The following CNDP2 variants were observed in gnomAD, a reference collection of about 807,000 sequenced individuals.
CNDP2 encodes the protein carnosine dipeptidase 2.
In CNDP2, 38 loss-of-function variants were observed where a neutral mutation model predicts 55.0. That is an observed-to-expected ratio of 0.69 (90% confidence interval 0.53 to 0.90). The LOEUF is 0.90. CNDP2 is among the 40% of genes least tolerant of loss of function. The pLI is 0.00. For missense variants in CNDP2, 607 were observed against 621.7 expected (o/e 0.98, Z 0.25); for synonymous variants, 241 against 260.2 (o/e 0.93, Z 0.71).
chr18:74,504,063 A>G (rs571512399), intron 3 of CNDP2, among the ~76,000 whole-genome samples: 110 of 137,640 alleles, frequency 8.0e-4, no homozygotes, highest in African/African-American at 2.8e-3. Context: ...CAGGCCATAC[A>G]CTGCACACGC....
In CNDP2 at chr18:74,518,079, G is replaced by A. The variant is rs369914915; in HGVS notation, c.1069-420G>A. Reference sequence around the variant, plus strand: ...CACGAGGTCAGGAGATCCAGACCACGGTGAAACCCCGTCTCTACTGAAAAG... The same window carrying A: ...CACGAGGTCAGGAGATCCAGACCACAGTGAAACCCCGTCTCTACTGAAAAG... On this transcript the variant is annotated intron_variant, in intron 9 of 11. Coordinates refer to ENST00000324262, the MANE Select transcript of CNDP2 (RefSeq NM_018235.3). The A allele has an allele frequency of 2.7e-4, 41 of 154,694 alleles. No individual in the cohort carries two copies. In the South Asian group the frequency reaches 4.7e-3, roughly 18 times the overall value. The allele number at this position is 154,694 out of a possible 1,614,324, so 9.6% of individuals were successfully genotyped here. A position where few individuals can be genotyped will look rare whatever the true frequency, so the allele number is the denominator to read the frequency against.
At chr18:74,498,633 A>C (rs1414659409) in intron 1 of CNDP2, among the ~76,000 whole-genome samples, 1 of 152,190 alleles carries the variant, frequency 6.6e-6, no homozygotes, top group African/African-American at 2.4e-5. Context: ...GATTTCCTTT[A>C]ATGTGAACAG....
rs570803704 is a variant in CNDP2, at chr18:74,520,396, C to G, written c.*328C>G. On this transcript the variant is annotated 3_prime_UTR_variant, in exon 12 of 12. Coordinates refer to ENST00000324262, the MANE Select transcript of CNDP2 (RefSeq NM_018235.3). ...GTCGGCCGGGCACCACGGCTCACAC[C>G]TATAATCGAGCACTTTGGGAGGCCA... The G allele has an allele frequency of 3.4e-5, 10 of 292,086 alleles. No individual in the cohort carries two copies. The South Asian group carries it at 3.8e-4, about 11-fold the overall frequency. The allele number at this position is 292,086 out of a possible 1,614,324, so 18.1% of individuals were successfully genotyped here.
In CNDP2 at chr18:74,520,062, G is replaced by T. The variant is rs116609423; in HGVS notation, c.1422G>T (p.Lys474Asn). Reference sequence around the variant, plus strand: ...ACCTGTATGAGGTCTCCCAGCTGAAGGACTAGGCCAAGCCCTCTGTGTGCC... The same window carrying T: ...ACCTGTATGAGGTCTCCCAGCTGAATGACTAGGCCAAGCCCTCTGTGTGCC... ...AAYLYEVSQL[K>N]D The change falls in exon 12 of 12, where the codon AAG (lysine) becomes AAT (asparagine). Residue 474 changes from lysine (K) to asparagine (N), a missense_variant. Physicochemically the swap from Lys to Asn is moderately conservative, Grantham distance 94. Transcript: ENST00000324262. The T allele has an allele frequency of 2.5e-6, 4 of 1,614,162 alleles. No homozygotes were observed. In the South Asian group the frequency reaches 3.3e-5, roughly 13 times the overall value.
At position 74,518,616 on chromosome 18, in the gene CNDP2, G is replaced by C. The variant is rs751355235; in HGVS notation, c.1186G>C (p.Ala396Pro). The C allele has an allele frequency of 6.2e-6, 10 of 1,614,214 alleles. No individual in the cohort carries two copies. The highest frequency in any genetic ancestry group is 8.5e-6 in the Non-Finnish European group (10 of 1,180,042). The change falls in exon 10 of 12, where the codon GCT becomes CCT. Residue 396 changes from alanine (A) to proline (P), a missense_variant. By Grantham distance (27) the Ala-to-Pro change is conservative (BLOSUM62 -1). Transcript: ENST00000324262. ...VSDFSHPHYL[A>P]GRRAMKTVFG... ...CGACTTCAGTCACCCTCATTACCTG[G>C]CTGGGAGAAGAGCCATGAAGACAGG...
intron 4 of CNDP2, 48 bp downstream of exon 4, chr18:74,506,059 T>C: frequency 1.3e-6 from 2 of 1,496,714 alleles, no homozygotes; most frequent in Non-Finnish European, 1.8e-6. Flanking sequence ...CACTGACTTT[T>C]GGAAAGTCAT....
In CNDP2 at chr18:74,518,616, G is replaced by T. The variant is rs751355235; in HGVS notation, c.1186G>T (p.Ala396Ser). 2 of 1,614,096 alleles carry T rather than the reference G, an allele frequency of 1.2e-6. No homozygotes were observed. The highest frequency in any genetic ancestry group is 2.7e-5 in the African/African-American group (2 of 74,936). The change falls in exon 10 of 12, where the codon GCT becomes TCT. Residue 396 changes from alanine to serine, a missense_variant. Physicochemically the swap from Ala to Ser is moderately conservative, Grantham distance 99. Transcript: ENST00000324262. ...VSDFSHPHYLAGRRAMKTVFG... is the reference protein window; with the variant it reads ...VSDFSHPHYLSGRRAMKTVFG... Reference sequence around the variant, plus strand: ...CGACTTCAGTCACCCTCATTACCTGGCTGGGAGAAGAGCCATGAAGACAGG... The same window carrying T: ...CGACTTCAGTCACCCTCATTACCTGTCTGGGAGAAGAGCCATGAAGACAGG...
intron 11 of CNDP2, 117 bp from the exon 12 acceptor site, chr18:74,519,882 A>T: frequency 2.3e-6 from 2 of 857,628 alleles, no homozygotes; most frequent in South Asian, 3.3e-5. Flanking sequence ...CCAAGCTGGG[A>T]TGGGGGATGC....
At chr18:74,511,168 C>T (rs989110828) in intron 6 of CNDP2, 155 bp downstream of exon 6, 1 of 632,112 alleles carries the variant, frequency 1.6e-6, no homozygotes, top group Non-Finnish European at 2.7e-6. Context: ...CATAAACCAC[C>T]GTCCTACACC....
rs760065321 is a variant in CNDP2 at position 74,518,603 on chromosome 18, C to A, written c.1173C>A (p.His391Gln). The change falls in exon 10 of 12, where the codon CAC becomes CAA. Residue 391 changes from histidine (H) to glutamine (Q), a missense_variant. By Grantham distance (24) the His-to-Gln change is conservative. Transcript: ENST00000324262. ...GGKPWVSDFS[H>Q]PHYLAGRRAM... ...AGCCCTGGGTCTCCGACTTCAGTCACCCTCATTACCTGGCTGGGAGAAGAG... is the reference window on the plus strand; with the variant it reads ...AGCCCTGGGTCTCCGACTTCAGTCAACCTCATTACCTGGCTGGGAGAAGAG... 5 of 1,614,240 alleles carry A rather than the reference C, an allele frequency of 3.1e-6. No individual in the cohort carries two copies. The highest frequency in any genetic ancestry group is 1.7e-5 in the Admixed American group (1 of 60,032).
chr18:74,499,952 C>T lies in CNDP2; in HGVS notation c.-22C>T, dbSNP rs371400215. The T allele has an allele frequency of 2.7e-5, 43 of 1,612,214 alleles. No homozygotes were observed. Among genetic ancestry groups the T allele is most frequent in the African/African-American group, 5.3e-5 (4 of 74,838 alleles). On this transcript the variant is annotated 5_prime_UTR_variant, in exon 2 of 12. Coordinates refer to ENST00000324262, the MANE Select transcript of CNDP2 (RefSeq NM_018235.3). Reference sequence around the variant, plus strand: ...TCCTTCCAAGAACCTTCGAGATCTGCGGTCTGGGGTCTGGTTGAAAGATGG... The same window carrying T: ...TCCTTCCAAGAACCTTCGAGATCTGTGGTCTGGGGTCTGGTTGAAAGATGG...
At chr18:74,503,847 G>A (rs4113943) in intron 3 of CNDP2, among the ~76,000 whole-genome samples, 27,177 of 85,202 alleles carry the variant, frequency 0.32, 4,535 homozygotes, top group East Asian at 0.62. Context: ...CAGGCCACAC[G>A]CCACACACGC....
At chr18:74,516,892 C>G (rs1979702014) in intron 9 of CNDP2, 1 of 156,580 alleles carries the variant, frequency 6.4e-6, no homozygotes, top group Admixed American at 6.2e-5. Flanking sequence ...TGGCTCTATC[C>G]TGGGTCTGGA....
intron 3 of CNDP2, among the ~76,000 whole-genome samples, chr18:74,503,032 T>C (rs1978796068): frequency 6.6e-6 from 1 of 151,864 alleles, no homozygotes; most frequent in Non-Finnish European, 1.5e-5. Context: ...AGTTTCTTCA[T>C]GTTGTTTCTT....
chr18:74,518,644 G>A lies in CNDP2; in HGVS notation c.1210+4G>A, dbSNP rs1442669981. 6.8e-6 allele frequency: 11 copies of A among 1,613,944 alleles called. No homozygotes were observed. The highest frequency in any genetic ancestry group is 9.3e-6 in the Non-Finnish European group (11 of 1,180,046). ...GGGAGAAGAGCCATGAAGACAGGTT[G>A]GACGCTCTCCTTGTGGATGATGCCG... On this transcript the variant is annotated splice_donor_region_variant and intron_variant, in intron 10 of 11. Transcript: ENST00000324262.
Position 74,523,162 on chromosome 18 carries a change from G to T in CNDP2, c.*3094G>T, listed in dbSNP as rs1044565126. On this transcript the variant is annotated 3_prime_UTR_variant, in exon 12 of 12. Transcript: ENST00000324262. ...ATGGACATTTGCACACGTCCAGACT[G>T]CTTTATGTTAGAAGCTGAGCTGGCA... is the stretch of plus-strand genomic sequence containing the variant. 6.6e-5 allele frequency: 10 copies of T among 152,248 alleles called. No homozygotes were observed. The highest frequency in any genetic ancestry group is 6.5e-4 in the Admixed American group (10 of 15,282). 9.4% of individuals were successfully genotyped at this position (152,248 alleles called of 1,614,324 possible).
intron 5 of CNDP2, among the ~76,000 whole-genome samples, chr18:74,509,916 G>C (rs2144594432): frequency 6.6e-6 from 1 of 152,328 alleles, no homozygotes; most frequent in African/African-American, 2.4e-5. Flanking sequence ...TAGCCCTGCT[G>C]GTCCGGGGGA....
chr18:74,504,179 C>T (rs1338247546), intron 3 of CNDP2, among the ~76,000 whole-genome samples: 27 of 149,770 alleles, frequency 1.8e-4, no homozygotes, highest in African/African-American at 6.4e-4. Context: ...ACACTGCACA[C>T]GCAGCCACAC....
chr18:74,515,299 C>G (rs1213491218), intron 8 of CNDP2, among the ~76,000 whole-genome samples: 1 of 152,130 alleles, frequency 6.6e-6, no homozygotes, highest in Non-Finnish European at 1.5e-5. Context: ...GGCACGGGAG[C>G]CTTGGCTGGC....
Sources: allele counts gnomAD v4.1 joint callset (sites outside exome capture counted in the v4.1 genomes callset), GRCh38; gene constraint gnomAD v4.1.1; transcripts MANE v1.5; gene names NCBI Gene and HGNC (gene_info 2026-07-23, HGNC 2026-07-21).